Variants in GRAMD2A observed in about 807,000 individuals in gnomAD.
GRAMD2A encodes GRAM domain-containing protein 2A.
A neutral mutation model predicts 51.1 loss-of-function variants in GRAMD2A; 37 were observed. The observed-to-expected ratio is 0.72, with a 90% confidence interval of 0.56 to 0.95. The LOEUF is 0.95. GRAMD2A is among the 40% of genes least tolerant of loss of function. The probability of loss-of-function intolerance (pLI) is 0.00; values close to 1 mark genes in which losing one functional copy is unlikely to be tolerated. For synonymous variants in GRAMD2A, 136 were observed against 157.1 expected (o/e 0.87, Z 1.01); for missense variants, 414 against 426.9 (o/e 0.97, Z 0.27).
chr15:72,192,140 G>C (rs543513245), intron 1 of GRAMD2A, among the ~76,000 whole-genome samples: 1 of 152,270 alleles, frequency 6.6e-6, no homozygotes, highest in African/African-American at 2.4e-5. Flanking sequence ...GAATAATCCA[G>C]GAGACAGGGA....
rs145933325 is a variant in GRAMD2A at position 72,166,019 on chromosome 15, C to T, written c.544-609G>A. Among the ~76,000 whole-genome samples the T allele has an allele frequency of 1.4e-3, 210 of 152,230 alleles. 2 individuals are homozygous for T. In the East Asian group the frequency reaches 0.039, roughly 29 times the overall value. On this transcript the variant is annotated intron_variant, in intron 7 of 11. Transcript: ENST00000309731. The surrounding 1 kb of genome is among the most constrained non-coding windows in gnomAD (Gnocchi z 4.1). ...AAGTAGCTGGGATTACAGGTGCCTG[C>T]CACCACACCCGGCTAATTTTTGTAT...
chr15:72,183,132 C>T (rs2081708676), intron 1 of GRAMD2A, among the ~76,000 whole-genome samples: 1 of 151,776 alleles, frequency 6.6e-6, no homozygotes. Context: ...CTCAGCCTCC[C>T]AAAGTGTTGG....
chr15:72,197,548 G>A (rs1353780815), intron 1 of GRAMD2A, among the ~76,000 whole-genome samples, 183 bp downstream of exon 1: 1 of 151,996 alleles, frequency 6.6e-6, no homozygotes, highest in Non-Finnish European at 1.5e-5. Flanking sequence ...CCCGGGAGAC[G>A]CCTGGGCGCG....
rs960011242 is a variant in GRAMD2A at position 72,174,133 on chromosome 15, A to G, written c.42-4194T>C. On this transcript the variant is annotated intron_variant, in intron 1 of 11. Coordinates refer to ENST00000309731, the MANE Select transcript of GRAMD2A (RefSeq NM_001012642.3). ...CAAAACGATCTTCAGTTCACTTTCC[A>G]CTCAATAGTGGTGTCTTCTCCCCTG... Among the ~76,000 whole-genome samples, 5 of 152,008 alleles carry G rather than the reference A, an allele frequency of 3.3e-5. No individual in the cohort carries two copies. In the East Asian group the frequency reaches 9.7e-4, roughly 29 times the overall value.
At chr15:72,168,076 C>T (rs2081568502) in intron 4 of GRAMD2A, among the ~76,000 whole-genome samples, 1 of 152,198 alleles carries the variant, frequency 6.6e-6, no homozygotes, top group African/African-American at 2.4e-5. Context: ...CTTCTCCACC[C>T]TTGCTCCAGA....
intron 1 of GRAMD2A, among the ~76,000 whole-genome samples, chr15:72,175,002 C>A (rs552813847): frequency 6.6e-6 from 1 of 152,226 alleles, no homozygotes; most frequent in Non-Finnish European, 1.5e-5. Flanking sequence ...CCGAGCTTCA[C>A]CCCCTGCCAT....
intron 3 of GRAMD2A, 88 bp from the exon 4 acceptor site, chr15:72,168,654 C>T: frequency 8.9e-7 from 1 of 1,127,732 alleles, no homozygotes; most frequent in Non-Finnish European, 1.4e-6. Flanking sequence ...ATGCCACAGC[C>T]CCCCGGCCCA....
In GRAMD2A at chr15:72,161,759, G is replaced by T; in HGVS notation, c.*250C>A. 1.9e-6 allele frequency: 1 copy of T among 517,148 alleles called. No individual in the cohort carries two copies. 32.0% of individuals were successfully genotyped at this position (517,148 alleles called of 1,614,324 possible). ...GAAGCTTTGTGTACAGAATTCCTCA[G>T]TTGGTTCCAAAAAATCTGGCTTTTT... is the stretch of plus-strand genomic sequence containing the variant. On this transcript the variant is annotated 3_prime_UTR_variant, in exon 12 of 12. Coordinates refer to ENST00000309731, the MANE Select transcript of GRAMD2A (RefSeq NM_001012642.3).
At chr15:72,194,009 C>T (rs901466104) in intron 1 of GRAMD2A, among the ~76,000 whole-genome samples, 14 of 152,338 alleles carry the variant, frequency 9.2e-5, no homozygotes, top group African/African-American at 3.1e-4. Flanking sequence ...TTCCCAGGGG[C>T]TTCTGCCCTC....
Position 72,163,645 on chromosome 15 carries a change from CTG to C in GRAMD2A, c.711_712del (p.Asp237GlufsTer12). 1 of 1,595,314 alleles carries C rather than the reference CTG, an allele frequency of 6.3e-7. No individual in the cohort carries two copies. On this transcript the variant is annotated frameshift_variant, in exon 9 of 12. Transcript: ENST00000309731. LOFTEE classifies it high-confidence loss of function. Reference sequence around the variant, plus strand: ...TGGAGGCTTCCTGGAGGGGAAGAAACTGTCTGTGGAGTCCACGGATGATGGAG... The same window carrying C: ...TGGAGGCTTCCTGGAGGGGAAGAAACTCTGTGGAGTCCACGGATGATGGAG...
At chr15:72,163,563 A>C (rs746460792) in intron 9 of GRAMD2A, 50 bp downstream of exon 9, 1 of 1,588,842 alleles carries the variant, frequency 6.3e-7, no homozygotes, top group Non-Finnish European at 8.6e-7. Flanking sequence ...GGAAGACAGA[A>C]AGTCTGGCCT....
At chr15:72,175,290 G>A (rs958207482) in intron 1 of GRAMD2A, among the ~76,000 whole-genome samples, 34 of 152,220 alleles carry the variant, frequency 2.2e-4, no homozygotes, top group African/African-American at 8.2e-4. Flanking sequence ...AACTGCCTCC[G>A]GCTGTGCGGG....
At chr15:72,191,506 A>G (rs1596700556) in intron 1 of GRAMD2A, among the ~76,000 whole-genome samples, 1 of 152,298 alleles carries the variant, frequency 6.6e-6, no homozygotes, top group South Asian at 2.1e-4. Flanking sequence ...CCCAGCTGGG[A>G]ACACATCTTT....
chr15:72,190,106 GT>G (rs1211700397), intron 1 of GRAMD2A, among the ~76,000 whole-genome samples: 7 of 152,206 alleles, frequency 4.6e-5, no homozygotes, highest in African/African-American at 1.7e-4. Context: ...GCTGGGCGTG[GT>G]GGCTCACGCC....
At chr15:72,187,090 G>A (rs2081739451) in intron 1 of GRAMD2A, among the ~76,000 whole-genome samples, 2 of 151,940 alleles carry the variant, frequency 1.3e-5, no homozygotes, top group South Asian at 4.2e-4. Context: ...GAACCCCAGA[G>A]GTAGAGGTAG....
rs1228391653 is a variant in GRAMD2A, at chr15:72,159,860, T to C, written c.*2149A>G. The C allele has an allele frequency of 2.0e-5, 3 of 152,280 alleles. No homozygotes were observed. The highest frequency in any genetic ancestry group is 7.2e-5 in the African/African-American group (3 of 41,542). 9.4% of individuals were successfully genotyped at this position (152,280 alleles called of 1,614,324 possible). On this transcript the variant is annotated 3_prime_UTR_variant, in exon 12 of 12. Coordinates refer to ENST00000309731, the MANE Select transcript of GRAMD2A (RefSeq NM_001012642.3). ...AAAATATTTTCAAAGGCTAAGGCCA[T>C]AGCAAAACAACCCAAGGGTGGTTGA...
In GRAMD2A at chr15:72,163,769, C is replaced by G; in HGVS notation, c.601-12G>C. 1 of 1,607,842 alleles carries G rather than the reference C, an allele frequency of 6.2e-7. No individual in the cohort carries two copies. The highest frequency in any genetic ancestry group is 1.1e-5 in the South Asian group (1 of 89,562). On this transcript the variant is annotated splice_polypyrimidine_tract_variant and intron_variant, in intron 8 of 11. Coordinates refer to ENST00000309731, the MANE Select transcript of GRAMD2A (RefSeq NM_001012642.3). Reference sequence around the variant, plus strand: ...GGGATGAGGACTTCCTGCAGTAAGACAGGAGAAGCTATCTTACCATGGCCC... The same window carrying G: ...GGGATGAGGACTTCCTGCAGTAAGAGAGGAGAAGCTATCTTACCATGGCCC...
At chr15:72,164,566 C>T (rs2140543902) in intron 8 of GRAMD2A, among the ~76,000 whole-genome samples, 1 of 152,158 alleles carries the variant, frequency 6.6e-6, no homozygotes, top group East Asian at 1.9e-4. Flanking sequence ...CCAACATGCC[C>T]TGCTAATTTT....
In GRAMD2A at chr15:72,166,950, G is replaced by A; in HGVS notation, c.471+44C>T. On this transcript the variant is annotated intron_variant, in intron 6 of 11. Coordinates refer to ENST00000309731, the MANE Select transcript of GRAMD2A (RefSeq NM_001012642.3). This position sits in a 1 kb window ranked among gnomAD's most constrained non-coding sequence, Gnocchi z 4.1. ...AGTCAGACTGTGGGCTGTCAGGGCT[G>A]GGAGCGGGAGACTGACAAGGGAGCA... 1.4e-6 allele frequency: 2 copies of A among 1,468,720 alleles called. No individual in the cohort carries two copies. The highest frequency in any genetic ancestry group is 3.7e-4 in the Middle Eastern group (2 of 5,434). The allele number at this position is 1,468,720 out of a possible 1,614,324, so 91.0% of individuals were successfully genotyped here. A position where few individuals can be genotyped will look rare whatever the true frequency, so the allele number is the denominator to read the frequency against.
Sources: gnomAD v4.1 joint callset for allele counts (sites outside exome capture counted in the v4.1 genomes callset) on GRCh38, gnomAD v4.1.1 for gene constraint, Gnocchi (gnomAD v3.1) non-coding constraint, MANE v1.5 for transcripts, NCBI Gene and HGNC (gene_info 2026-07-23, HGNC 2026-07-21) for gene names.